NR2F1-AS1: variants seen among roughly 807,000 people sequenced by gnomAD.
NR2F1-AS1 encodes the protein NR2F1 antisense RNA 1.
intron 4 of NR2F1-AS1, among the ~76,000 whole-genome samples, chr5:93,492,372 T>C (rs892912479): frequency 3.3e-5 from 5 of 152,198 alleles, no homozygotes; most frequent in Admixed American, 2.0e-4. Flanking sequence ...GCTAATTAGA[T>C]AGACTCACAG....
intron 4 of NR2F1-AS1, among the ~76,000 whole-genome samples, chr5:93,442,894 C>T (rs1749605596): frequency 1.3e-5 from 2 of 152,200 alleles, no homozygotes; most frequent in East Asian, 3.9e-4. Context: ...ATATTTGCTG[C>T]TCTGCAGCCT....
intron 4 of NR2F1-AS1, among the ~76,000 whole-genome samples, chr5:93,446,720 A>G (rs1749717085): frequency 6.6e-6 from 1 of 152,194 alleles, no homozygotes; most frequent in African/African-American, 2.4e-5. Context: ...TTTATATGGA[A>G]CCAAAAAAGA....
chr5:93,555,515 T>C lies in NR2F1-AS1; in HGVS notation n.414-520A>G, dbSNP rs1254197551. Among the ~76,000 whole-genome samples, 3 of 152,204 alleles carry C rather than the reference T, an allele frequency of 2.0e-5. No homozygotes were observed. The East Asian group carries it at 5.8e-4, about 29-fold the overall frequency. ...AGAAAGATAACGGAGATGACTTATA[T>C]GCTAAAAAGCTGAACCTGTATTCTG... On this transcript the variant is annotated intron_variant and non_coding_transcript_variant, in intron 2 of 5. Coordinates refer to ENST00000660523, the Ensembl canonical transcript of NR2F1-AS1.
chr5:93,465,089 C>G (rs1040175892), intron 4 of NR2F1-AS1, among the ~76,000 whole-genome samples: 4 of 152,210 alleles, frequency 2.6e-5, no homozygotes, highest in South Asian at 2.1e-4. Context: ...TCTAATTAAA[C>G]TAAAGAGTTT....
intron 4 of NR2F1-AS1, among the ~76,000 whole-genome samples, chr5:93,428,236 G>T (rs1281959754): frequency 2.6e-5 from 4 of 152,168 alleles, no homozygotes; most frequent in Non-Finnish European, 5.9e-5. Flanking sequence ...TTGTGGTTGT[G>T]TGTGGAAAAG....
At chr5:93,451,878 C>T (rs974973506) in intron 4 of NR2F1-AS1, among the ~76,000 whole-genome samples, 2 of 152,118 alleles carry the variant, frequency 1.3e-5, no homozygotes, top group African/African-American at 4.8e-5. Flanking sequence ...GGCAGTGGGC[C>T]CTCTGCTTTG....
At chr5:93,450,218 T>C (rs890039773) in intron 4 of NR2F1-AS1, among the ~76,000 whole-genome samples, 3 of 152,232 alleles carry the variant, frequency 2.0e-5, no homozygotes, top group African/African-American at 7.2e-5. Flanking sequence ...TGGCCAAAGC[T>C]GATTTTAAGT....
intron 4 of NR2F1-AS1, among the ~76,000 whole-genome samples, chr5:93,483,033 T>A (rs565511951): frequency 3.7e-4 from 57 of 152,294 alleles, no homozygotes; most frequent in African/African-American, 1.3e-3. Flanking sequence ...TCAGCAGACT[T>A]AAACGTTCCT....
intron 4 of NR2F1-AS1, among the ~76,000 whole-genome samples, chr5:93,463,994 T>C (rs1280833104): frequency 3.3e-5 from 5 of 152,160 alleles, no homozygotes; most frequent in Admixed American, 1.3e-4. Context: ...TGGGAGACTG[T>C]TGGGAAGGCA....
intron 4 of NR2F1-AS1, among the ~76,000 whole-genome samples, chr5:93,529,880 CATTA>C (rs1751698177): frequency 6.6e-6 from 1 of 152,032 alleles, no homozygotes; most frequent in African/African-American, 2.4e-5. Flanking sequence ...AGTTTTTTCA[CATTA>C]ATTGACTCAT....
chr5:93,541,874 C>G (rs1461114724), intron 4 of NR2F1-AS1: 2 of 151,782 alleles, frequency 1.3e-5, no homozygotes, highest in Non-Finnish European at 2.9e-5. Context: ...TCAGCAAACA[C>G]ATTAAATAAT....
chr5:93,459,042 A>G (rs1750028109), intron 4 of NR2F1-AS1, among the ~76,000 whole-genome samples: 1 of 152,082 alleles, frequency 6.6e-6, no homozygotes, highest in South Asian at 2.1e-4. Flanking sequence ...ATAAAAAGGC[A>G]CACCACAGAG....
intron 4 of NR2F1-AS1, among the ~76,000 whole-genome samples, chr5:93,420,664 T>C (rs1749070304): frequency 6.6e-6 from 1 of 152,086 alleles, no homozygotes; most frequent in Non-Finnish European, 1.5e-5. Context: ...AGTCTAAACA[T>C]AGTGATAGAG....
intron 4 of NR2F1-AS1, among the ~76,000 whole-genome samples, chr5:93,413,264 AAGGAG>A (rs904823848): frequency 2.6e-5 from 4 of 151,526 alleles, no homozygotes; most frequent in African/African-American, 7.3e-5. Flanking sequence ...CTAGAAAGAA[AAGGAG>A]AGGAAAGTTC....
At chr5:93,490,778 T>C (rs1206228548) in intron 4 of NR2F1-AS1, among the ~76,000 whole-genome samples, 1 of 150,720 alleles carries the variant, frequency 6.6e-6, no homozygotes, top group African/African-American at 2.5e-5. Flanking sequence ...ATGAGAGTGG[T>C]GGTGGTAGTC....
intron 1 of NR2F1-AS1, among the ~76,000 whole-genome samples, chr5:93,563,954 T>C (rs1251901338): frequency 6.6e-6 from 1 of 151,272 alleles, no homozygotes; most frequent in Non-Finnish European, 1.5e-5. Flanking sequence ...TACAAAAAAT[T>C]AGCCTGGCGT....
At chr5:93,542,829 C>T (rs1230560011) in intron 4 of NR2F1-AS1, 2 of 152,210 alleles carry the variant, frequency 1.3e-5, no homozygotes, top group African/African-American at 4.8e-5. Context: ...TAAGGTGGCA[C>T]ATAGACCAGA....
chr5:93,481,971 AAC>A (rs1438311073), intron 4 of NR2F1-AS1, among the ~76,000 whole-genome samples: 1 of 152,140 alleles, frequency 6.6e-6, no homozygotes, highest in East Asian at 1.9e-4. Flanking sequence ...TCAAATTAAC[AAC>A]CTAATTTTAC....
At chr5:93,501,367 T>TTA (rs1751076117) in intron 4 of NR2F1-AS1, among the ~76,000 whole-genome samples, 1 of 150,354 alleles carries the variant, frequency 6.7e-6, no homozygotes, top group Non-Finnish European at 1.5e-5. Context: ...TTTTTTTTTT[T>TTA]TTTTGAGACA....
Sources: allele counts gnomAD v4.1 joint callset (sites outside exome capture counted in the v4.1 genomes callset), GRCh38; gene constraint gnomAD v4.1.1; transcripts MANE v1.5; gene names NCBI Gene and HGNC (gene_info 2026-07-23, HGNC 2026-07-21).